CFAP61: variants seen among roughly 807,000 people sequenced by gnomAD.
The protein encoded by CFAP61 is cilia- and flagella-associated protein 61.
In CFAP61, 107 loss-of-function variants were observed where a neutral mutation model predicts 135.6. That is an observed-to-expected ratio of 0.79 (90% CI 0.67 to 0.93). The LOEUF is 0.93. CFAP61 is among the 40% of genes least tolerant of loss of function. The probability of loss-of-function intolerance (pLI) is 0.00; values close to 1 mark genes in which losing one functional copy is unlikely to be tolerated. For synonymous variants in CFAP61, 575 were observed against 578.5 expected (o/e 0.99, Z 0.09); for missense variants, 1,507 against 1,556.2 (o/e 0.97, Z 0.53).
chr20:20,119,857 C>G (rs1040357702), intron 8 of CFAP61, among the ~76,000 whole-genome samples: 4 of 152,148 alleles, frequency 2.6e-5, no homozygotes, highest in Non-Finnish European at 4.4e-5. Context: ...GTGTTCTCAT[C>G]ATTTAGCTCC....
At chr20:20,269,312 T>C (rs1328491990) in intron 21 of CFAP61, among the ~76,000 whole-genome samples, 2 of 150,760 alleles carry the variant, frequency 1.3e-5, no homozygotes, top group East Asian at 3.9e-4. Context: ...ATAGACATAA[T>C]TTAAAATATA....
rs2050442659 is a variant in CFAP61 at position 20,246,220 on chromosome 20, G to T, written c.2159+5G>T. 1 of 1,589,658 alleles carries T rather than the reference G, an allele frequency of 6.3e-7. No homozygotes were observed. Among genetic ancestry groups the T allele is most frequent in the Non-Finnish European group, 8.6e-7 (1 of 1,157,872 alleles). On this transcript the variant is annotated splice_donor_5th_base_variant and intron_variant, in intron 19 of 26. Coordinates refer to ENST00000245957, the MANE Select transcript of CFAP61 (RefSeq NM_015585.4). ...AAGGAAATTTTTAGCCAGCGAGTAT[G>T]AATTGTATTTGCTTTTTCATTCTGA...
intron 25 of CFAP61, among the ~76,000 whole-genome samples, chr20:20,303,416 G>A (rs1012794621): frequency 5.3e-5 from 8 of 152,176 alleles, no homozygotes; most frequent in Non-Finnish European, 1.2e-4. Flanking sequence ...ATGGACATCT[G>A]TCAGAAAGGA....
intron 25 of CFAP61, among the ~76,000 whole-genome samples, chr20:20,315,353 T>C (rs1442434787): frequency 6.6e-6 from 1 of 151,786 alleles, no homozygotes; most frequent in African/African-American, 2.4e-5. Context: ...AAGTGTCTGT[T>C]CATATCCTTC....
At chr20:20,308,301 C>T (rs764996781) in intron 25 of CFAP61, among the ~76,000 whole-genome samples, 3 of 152,126 alleles carry the variant, frequency 2.0e-5, no homozygotes, top group Non-Finnish European at 4.4e-5. Flanking sequence ...TCTGACCTGC[C>T]GATGTAGCTA....
At chr20:20,150,695 T>C (rs1047976641) in intron 9 of CFAP61, among the ~76,000 whole-genome samples, 1 of 152,194 alleles carries the variant, frequency 6.6e-6, no homozygotes, top group African/African-American at 2.4e-5. Context: ...CTGGTATTCA[T>C]GGTTGGGAGA....
rs1477125181 is a variant in CFAP61 at position 20,142,865 on chromosome 20, C to T, written c.868C>T (p.Leu290Phe). ...LSVRRSQDAE[L>F]RSSSQGSQKI... is the part of the protein sequence containing the mutation. ...TATCCCTTCTCTCAAAGATGCTGAG[C>T]TCAGGAGTAGCAGCCAAGGTTCCCA... Residue 290 changes from leucine (L) to phenylalanine (F), a missense_variant, in exon 9 of 27, where the codon CTC becomes TTC. Physicochemically the swap from Leu to Phe is conservative, Grantham distance 22 (BLOSUM62 0). Coordinates refer to ENST00000245957, the MANE Select transcript of CFAP61 (RefSeq NM_015585.4). 3 of 1,596,482 alleles carry T rather than the reference C, an allele frequency of 1.9e-6. No homozygotes were observed. The highest frequency in any genetic ancestry group is 1.1e-5 in the South Asian group (1 of 88,732).
intron 15 of CFAP61, among the ~76,000 whole-genome samples, chr20:20,192,544 T>A (rs574320964): frequency 6.6e-6 from 1 of 152,230 alleles, no homozygotes; most frequent in African/African-American, 2.4e-5. Context: ...TTTGGATTCC[T>A]GTAACCAGCC....
intron 18 of CFAP61, among the ~76,000 whole-genome samples, chr20:20,235,196 C>A (rs974824968): frequency 6.6e-6 from 1 of 152,114 alleles, no homozygotes; most frequent in African/African-American, 2.4e-5. Context: ...AGACTCATGT[C>A]TCTCAGATAT....
In CFAP61 at chr20:20,199,922, G is replaced by T. The variant is rs1183951514; in HGVS notation, c.1932+20G>T. 2.5e-6 allele frequency: 4 copies of T among 1,612,306 alleles called. No individual in the cohort carries two copies. The highest frequency in any genetic ancestry group is 3.4e-6 in the Non-Finnish European group (4 of 1,179,478). On this transcript the variant is annotated intron_variant, in intron 17 of 26. Transcript: ENST00000245957. ...GATCCGGTGGGTAGCAGGGCGGCAG[G>T]CAGGGCGGCGCGGTGCCAGCTCCCG... is the stretch of plus-strand genomic sequence containing the variant.
intron 21 of CFAP61, among the ~76,000 whole-genome samples, chr20:20,263,487 A>G (rs35364116): frequency 0.51 from 76,709 of 151,480 alleles, 19,809 homozygotes; most frequent in Middle Eastern, 0.72. Context: ...CTTTTGTGAA[A>G]CTGAAAAGAC....
rs191831193 is a variant in CFAP61 at position 20,330,362 on chromosome 20, G to A, written c.3423-11469G>A. On this transcript the variant is annotated intron_variant, in intron 25 of 26. Coordinates refer to ENST00000245957, the MANE Select transcript of CFAP61 (RefSeq NM_015585.4). ...TGTTTGTTTGTTTGTTTTGTGACAG[G>A]GTCTCACTCTGTCACCCAGACTGGA... Among the ~76,000 whole-genome samples the A allele has an allele frequency of 3.1e-3, 468 of 151,874 alleles. 1 individual carries two copies. The highest frequency in any genetic ancestry group is 4.7e-3 in the Non-Finnish European group (320 of 67,950).
intron 24 of CFAP61, 41 bp from the exon 25 acceptor site, chr20:20,298,140 T>C: frequency 7.2e-7 from 1 of 1,390,080 alleles, no homozygotes; most frequent in Non-Finnish European, 1.0e-6. Flanking sequence ...AATCCAGGAA[T>C]GTTTCTAATG....
chr20:20,216,579 G>C (rs766324584), intron 17 of CFAP61, among the ~76,000 whole-genome samples: 1 of 152,210 alleles, frequency 6.6e-6, no homozygotes, highest in Non-Finnish European at 1.5e-5. Context: ...GCATGGGGAA[G>C]CCTTTTGTGC....
intron 13 of CFAP61, chr20:20,184,742 T>G (rs1483663238): frequency 1.3e-5 from 2 of 152,254 alleles, no homozygotes; most frequent in Non-Finnish European, 2.9e-5. Flanking sequence ...AGGTAGGAAC[T>G]TCCTCAGGTA....
intron 21 of CFAP61, among the ~76,000 whole-genome samples, chr20:20,273,236 A>C (rs1335657927): frequency 1.3e-5 from 2 of 152,098 alleles, no homozygotes; most frequent in Non-Finnish European, 2.9e-5. Context: ...CCTGAGCTTA[A>C]ATGCCACCAA....
intron 13 of CFAP61, chr20:20,171,934 A>G (rs1299495484): frequency 3.8e-6 from 2 of 522,326 alleles, no homozygotes; most frequent in Admixed American, 3.9e-5. Flanking sequence ...CCCACAGGGA[A>G]GGGTGGAATG....
chr20:20,217,087 T>A (rs1248076771), intron 17 of CFAP61, among the ~76,000 whole-genome samples: 1 of 152,232 alleles, frequency 6.6e-6, no homozygotes, highest in African/African-American at 2.4e-5. Flanking sequence ...AAGAGGCTAT[T>A]CCATTGAATC....
intron 26 of CFAP61, among the ~76,000 whole-genome samples, chr20:20,343,565 G>A (rs1478790216): frequency 3.3e-5 from 5 of 152,152 alleles, no homozygotes; most frequent in African/African-American, 1.2e-4. Flanking sequence ...GCTGCAGGAG[G>A]CCAACCTAAC....
Sources: allele counts gnomAD v4.1 joint callset (sites outside exome capture counted in the v4.1 genomes callset), GRCh38; gene constraint gnomAD v4.1.1; transcripts MANE v1.5; gene names NCBI Gene and HGNC (gene_info 2026-07-23, HGNC 2026-07-21).